MPDZ: variants seen among roughly 807,000 people sequenced by gnomAD.
MPDZ encodes the protein multiple PDZ domain crumbs cell polarity complex component.
A neutral mutation model predicts 239.1 loss-of-function variants in MPDZ; 234 were observed. The observed-to-expected ratio is 0.98, with a 90% CI of 0.88 to 1.09. The LOEUF is 1.09. MPDZ is among the 50% of genes least tolerant of loss of function. MPDZ has a pLI of 0.00. For missense variants in MPDZ, 3,175 were observed against 2,510.0 expected (o/e 1.26, Z -5.66); for synonymous variants, 1,048 against 881.3 (o/e 1.19, Z -3.35).
At position 13,123,213 on chromosome 9, in the gene MPDZ, C is replaced by G; in HGVS notation, c.4893G>C (p.Glu1631Asp). The G allele has an allele frequency of 6.2e-7, 1 of 1,613,510 alleles. No homozygotes were observed. Among genetic ancestry groups the G allele is most frequent in the Non-Finnish European group, 8.5e-7 (1 of 1,179,828 alleles). ...PIIPGCETTIEISKGRTGLGL... is the reference protein window; with the variant it reads ...PIIPGCETTIDISKGRTGLGL... ...CCAGCCCTGTTCGCCCTTTGGAAAT[C>G]TCGATGGTTGTTTCGCAGCCAGGGA... Residue 1631 changes from glutamate (E) to aspartate (D), a missense_variant, in exon 36 of 47, where the codon GAG (glutamate) becomes GAC (aspartate). Coordinates refer to ENST00000319217, the MANE Select transcript of MPDZ (RefSeq NM_001378778.1).
At chr9:13,231,195 T>C (rs879355825) in intron 3 of MPDZ, among the ~76,000 whole-genome samples, 3 of 152,114 alleles carry the variant, frequency 2.0e-5, no homozygotes, top group East Asian at 3.8e-4. Flanking sequence ...TCTACAGGCA[T>C]GCAATAACCA....
chr9:13,140,965 G>C (rs1280528980), intron 27 of MPDZ: 1 of 152,070 alleles, frequency 6.6e-6, no homozygotes, highest in Non-Finnish European at 1.5e-5. Context: ...TGAGCGGCAT[G>C]GTTTTAAGGA....
chr9:13,190,374 G>C, intron 15 of MPDZ, 75 bp from the exon 16 acceptor site: 2 of 1,240,680 alleles, frequency 1.6e-6, no homozygotes, highest in Non-Finnish European at 2.1e-6. Context: ...ACAAGAAAAG[G>C]GATATTCCCA....
intron 19 of MPDZ, among the ~76,000 whole-genome samples, chr9:13,183,151 T>C (rs1399198300): frequency 6.6e-6 from 1 of 152,094 alleles, no homozygotes; most frequent in East Asian, 1.9e-4. Context: ...GCTAAATTTT[T>C]CTTTCTGACA....
intron 20 of MPDZ, 41 bp from the exon 21 acceptor site, chr9:13,175,916 G>T: frequency 6.4e-7 from 1 of 1,556,340 alleles, no homozygotes; most frequent in East Asian, 2.3e-5. Flanking sequence ...CATGGAAAGG[G>T]AAACTAGACT....
At chr9:13,273,860 G>C (rs1973570124) in intron 1 of MPDZ, among the ~76,000 whole-genome samples, 2 of 152,140 alleles carry the variant, frequency 1.3e-5, no homozygotes, top group African/African-American at 4.8e-5. Context: ...CCACGTGGTA[G>C]TGAACTGTAT....
chr9:13,201,099 A>C (rs754649894), intron 12 of MPDZ, among the ~76,000 whole-genome samples: 8 of 151,930 alleles, frequency 5.3e-5, no homozygotes, highest in African/African-American at 9.7e-5. Context: ...TGTTGGGTGT[A>C]TATATATTTA....
intron 12 of MPDZ, among the ~76,000 whole-genome samples, chr9:13,197,959 G>A (rs946166017): frequency 3.3e-5 from 5 of 152,062 alleles, no homozygotes; most frequent in African/African-American, 1.2e-4. Flanking sequence ...ATATTCCATT[G>A]TGTATATACA....
chr9:13,161,498 G>C (rs1175842052), intron 23 of MPDZ, among the ~76,000 whole-genome samples: 1 of 152,164 alleles, frequency 6.6e-6, no homozygotes, highest in South Asian at 2.1e-4. Flanking sequence ...TTGAACCCGG[G>C]AGGCAGAGGT....
At chr9:13,112,809 A>G (rs959522529) in intron 42 of MPDZ, among the ~76,000 whole-genome samples, 1 of 152,236 alleles carries the variant, frequency 6.6e-6, no homozygotes, top group Non-Finnish European at 1.5e-5. Flanking sequence ...AAAACAGAGC[A>G]TGCAAACAAC....
At chr9:13,226,036 C>T (rs1353884310) in intron 3 of MPDZ, among the ~76,000 whole-genome samples, 1 of 152,050 alleles carries the variant, frequency 6.6e-6, no homozygotes. Context: ...AGGGGAACCT[C>T]GCAAATTTGC....
At chr9:13,231,843 G>A (rs893615144) in intron 3 of MPDZ, among the ~76,000 whole-genome samples, 3 of 152,014 alleles carry the variant, frequency 2.0e-5, no homozygotes, top group African/African-American at 7.2e-5. Context: ...AATACTAAAT[G>A]AGAATGTTAA....
At chr9:13,173,008 T>C (rs565623215) in intron 21 of MPDZ, among the ~76,000 whole-genome samples, 3 of 152,288 alleles carry the variant, frequency 2.0e-5, no homozygotes, top group African/African-American at 7.2e-5. Flanking sequence ...TAAAAGACAT[T>C]ATACACAGTC....
intron 1 of MPDZ, among the ~76,000 whole-genome samples, chr9:13,268,315 T>G (rs1310144487): frequency 6.6e-6 from 1 of 152,036 alleles, no homozygotes; most frequent in African/African-American, 2.4e-5. Flanking sequence ...TATAGAAAGA[T>G]TTAGCATGAA....
intron 10 of MPDZ, among the ~76,000 whole-genome samples, chr9:13,211,971 ACT>A (rs1957672312): frequency 6.6e-6 from 1 of 152,026 alleles, no homozygotes; most frequent in Non-Finnish European, 1.5e-5. Context: ...CATGTTATTT[ACT>A]CTCACAGTAA....
chr9:13,254,860 T>C (rs1969037328), intron 1 of MPDZ, among the ~76,000 whole-genome samples: 1 of 152,188 alleles, frequency 6.6e-6, no homozygotes, highest in African/African-American at 2.4e-5. Context: ...GTCTTGCCTT[T>C]GTGTTGATGG....
chr9:13,262,627 C>A (rs1970951791), intron 1 of MPDZ, among the ~76,000 whole-genome samples: 1 of 148,784 alleles, frequency 6.7e-6, no homozygotes, highest in Admixed American at 6.7e-5. Context: ...AAAAGATGAA[C>A]AAAAAATACT....
At chr9:13,186,976 T>C (rs992118415) in intron 17 of MPDZ, among the ~76,000 whole-genome samples, 1 of 152,116 alleles carries the variant, frequency 6.6e-6, no homozygotes, top group African/African-American at 2.4e-5. Flanking sequence ...ATCCACAGTC[T>C]GCTTAACTTG....
intron 24 of MPDZ, among the ~76,000 whole-genome samples, chr9:13,156,144 G>C (rs1949784962): frequency 6.6e-6 from 1 of 152,118 alleles, no homozygotes; most frequent in Non-Finnish European, 1.5e-5. Context: ...CTCTGCTAAG[G>C]ATTTTAGATG....
Sources: allele counts gnomAD v4.1 joint callset (sites outside exome capture counted in the v4.1 genomes callset), GRCh38; gene constraint gnomAD v4.1.1; transcripts MANE v1.5; gene names NCBI Gene and HGNC (gene_info 2026-07-23, HGNC 2026-07-21).